NEXMIF: variants seen among roughly 807,000 people sequenced by gnomAD.
NEXMIF encodes neurite extension and migration factor.
NEXMIF carries 8 observed loss-of-function variants against 62.1 expected under a neutral mutation model. The observed-to-expected ratio is 0.13, with a 90% CI of 0.08 to 0.23. NEXMIF has a LOEUF of 0.23. Ranked by LOEUF, NEXMIF falls within the 10% of genes least tolerant of loss-of-function variation. The probability of loss-of-function intolerance (pLI) is 1.00; values close to 1 mark genes in which losing one functional copy is unlikely to be tolerated. For missense variants in NEXMIF, 976 were observed against 1,113.3 expected (o/e 0.88, Z 1.75); for synonymous variants, 404 against 416.6 (o/e 0.97, Z 0.37).
intron 1 of NEXMIF, among the ~76,000 whole-genome samples, chrX:74,851,590 GA>G (rs372274176): frequency 0.076 from 7,752 of 101,871 alleles, 378 homozygotes; most frequent in African/African-American, 0.18. Flanking sequence ...GTGCTTAAAG[GA>G]AAAAAAAAAA....
chrX:74,767,180 C>T (rs753457270), intron 1 of NEXMIF, among the ~76,000 whole-genome samples: 1 of 112,303 alleles, frequency 8.9e-6, no homozygotes, highest in South Asian at 3.7e-4. Flanking sequence ...CAGAGGGTGG[C>T]TGGAGGCCCA....
At chrX:74,848,404 T>C (rs1602249463) in intron 1 of NEXMIF, among the ~76,000 whole-genome samples, 1 of 112,479 alleles carries the variant, frequency 8.9e-6, no homozygotes, top group East Asian at 2.8e-4. Flanking sequence ...TACAACAAAG[T>C]CAGTGGCATA....
intron 1 of NEXMIF, among the ~76,000 whole-genome samples, chrX:74,877,396 C>A (rs946690964): frequency 2.5e-4 from 28 of 111,318 alleles, no homozygotes; most frequent in African/African-American, 8.8e-4. Flanking sequence ...TGAGAGTAAC[C>A]GACCTTTCTC....
intron 1 of NEXMIF, among the ~76,000 whole-genome samples, chrX:74,789,114 C>T (rs1375011147): frequency 2.1e-5 from 2 of 96,224 alleles, no homozygotes; most frequent in Non-Finnish European, 2.1e-5. Context: ...TCTCCCAATG[C>T]TATCCCTCCC....
chrX:74,807,232 GTTTCCCTCATATAGATTTTGTA>G (rs1448743047), intron 1 of NEXMIF, among the ~76,000 whole-genome samples: 2 of 111,608 alleles, frequency 1.8e-5, no homozygotes, highest in African/African-American at 6.5e-5. Context: ...GAGTTTTGTA[GTTTCCCTCATATAGATTTTGTA>G]CATATTTTGT....
At chrX:74,859,793 C>T (rs748745228) in intron 1 of NEXMIF, among the ~76,000 whole-genome samples, 1 of 111,561 alleles carries the variant, frequency 9.0e-6, no homozygotes, top group Admixed American at 9.6e-5. Context: ...TATTAGTTTA[C>T]ATTTTGCTTG....
intron 1 of NEXMIF, among the ~76,000 whole-genome samples, chrX:74,859,931 G>A (rs1187584390): frequency 9.1e-6 from 1 of 110,443 alleles, no homozygotes; most frequent in Non-Finnish European, 1.9e-5. Context: ...CACCACCTAA[G>A]AAAATTACCT....
chrX:74,884,878 C>A (rs1036344479), intron 1 of NEXMIF, among the ~76,000 whole-genome samples: 2 of 111,456 alleles, frequency 1.8e-5, no homozygotes, highest in Non-Finnish European at 3.8e-5. Context: ...TATTCCAAAA[C>A]TGACCACATT....
intron 1 of NEXMIF, among the ~76,000 whole-genome samples, chrX:74,924,492 GCCATGC>G (rs1402545766): frequency 8.8e-6 from 1 of 113,201 alleles, no homozygotes; most frequent in Non-Finnish European, 1.9e-5. Flanking sequence ...GCCGAAGCGT[GCCATGC>G]CCATGCCCCA....
intron 1 of NEXMIF, among the ~76,000 whole-genome samples, chrX:74,822,205 A>G (rs2080399498): frequency 9.0e-6 from 1 of 111,667 alleles, no homozygotes; most frequent in Admixed American, 9.5e-5. Flanking sequence ...TGAATCAAAG[A>G]CCCAAACGGA....
At chrX:74,873,705 C>G (rs1222856245) in intron 1 of NEXMIF, among the ~76,000 whole-genome samples, 3 of 112,103 alleles carry the variant, frequency 2.7e-5, no homozygotes, top group Non-Finnish European at 5.6e-5. Context: ...AGATGGTGAT[C>G]TCATTGTGGT....
chrX:74,879,490 A>G (rs2676492), intron 1 of NEXMIF, among the ~76,000 whole-genome samples: 9,139 of 111,988 alleles, frequency 0.082, 920 homozygotes, highest in African/African-American at 0.28. Context: ...AGAGAAAAAT[A>G]AAGGGGAAAA....
intron 1 of NEXMIF, among the ~76,000 whole-genome samples, chrX:74,779,908 TTGATTCCCTCAAAAATATTTCATTTGG>T (rs2080240959): frequency 8.9e-6 from 1 of 112,065 alleles, no homozygotes; most frequent in Non-Finnish European, 1.9e-5. Context: ...TCCTTGCTGC[TTGATTCCCTCAAAAATATTTCATTTGG>T]TGAATCTGGG....
chrX:74,910,022 C>T (rs143799421), intron 1 of NEXMIF, among the ~76,000 whole-genome samples: 169 of 112,637 alleles, frequency 1.5e-3, no homozygotes, highest in Middle Eastern at 4.6e-3. Context: ...GGAGCCCTCA[C>T]GGAGAACCTC....
At chrX:74,787,473 A>G in intron 1 of NEXMIF, among the ~76,000 whole-genome samples, 1 of 111,071 alleles carries the variant, frequency 9.0e-6, no homozygotes. Context: ...TGTAAAATGA[A>G]GGGTAGAAAC....
chrX:74,749,665 A>G (rs779055493), intron 1 of NEXMIF, among the ~76,000 whole-genome samples: 1 of 109,609 alleles, frequency 9.1e-6, no homozygotes, highest in Non-Finnish European at 1.9e-5. Context: ...TTCCCTTCTC[A>G]GTTTTTCCTT....
At chrX:74,744,897 TTCTCTC>T (rs776035242) in intron 2 of NEXMIF, among the ~76,000 whole-genome samples, 1 of 96,193 alleles carries the variant, frequency 1.0e-5, no homozygotes, top group South Asian at 5.3e-4. Flanking sequence ...TTCTTTTCTT[TTCTCTC>T]TCTCTCTCTC....
Position 74,824,214 on chromosome X carries a change from A to G in NEXMIF, c.-47-78517T>C, listed in dbSNP as rs770629702. On this transcript the variant is annotated intron_variant, in intron 1 of 3. Coordinates refer to ENST00000055682, the MANE Select transcript of NEXMIF (RefSeq NM_001008537.3). The stretch of plus-strand genomic sequence containing the variant: ...CTATAATCACCATGATGTGCAATAG[A>G]TCTCAAAAAAACCTGTATTTCTCTT... 1.1e-4 allele frequency among the ~76,000 whole-genome samples: 12 copies of G among 111,628 alleles called. No homozygotes were observed. The South Asian group carries it at 4.6e-3, about 42-fold the overall frequency.
intron 1 of NEXMIF, among the ~76,000 whole-genome samples, chrX:74,757,276 G>A (rs1263606098): frequency 6.2e-5 from 7 of 112,167 alleles, no homozygotes; most frequent in Non-Finnish European, 1.3e-4. Context: ...ATCACAGAAA[G>A]TTCTACTAGA....
Sources: allele counts gnomAD v4.1 joint callset (sites outside exome capture counted in the v4.1 genomes callset), GRCh38; gene constraint gnomAD v4.1.1; transcripts MANE v1.5; gene names NCBI Gene and HGNC (gene_info 2026-07-23, HGNC 2026-07-21).